DNM2: variants seen among roughly 807,000 people sequenced by gnomAD.
DNM2 encodes the protein dynamin-2.
Under a neutral mutation model 99.0 loss-of-function variants are expected in DNM2, and 15 were observed. The observed-to-expected ratio is 0.15, with a 90% CI of 0.10 to 0.23. DNM2 has a LOEUF of 0.23. DNM2 is among the 10% of genes least tolerant of loss of function. The pLI, the probability that DNM2 is intolerant of heterozygous loss-of-function variation, is 1.00. For synonymous variants in DNM2, 525 were observed against 481.2 expected (o/e 1.09, Z -1.19); for missense variants, 742 against 1,189.4 (o/e 0.62, Z 5.53).
chr19:10,759,588 C>T, intron 1 of DNM2, 150 bp from the exon 2 acceptor site: 1 of 892,862 alleles, frequency 1.1e-6, no homozygotes, highest in Non-Finnish European at 1.9e-6. Context: ...CCCTCCAAGA[C>T]CAGAGCATTC....
intron 2 of DNM2, among the ~76,000 whole-genome samples, chr19:10,760,827 A>ATGTTTTTTTTTTTTT (rs1663854487): frequency 2.4e-5 from 1 of 41,260 alleles, no homozygotes; most frequent in African/African-American, 9.4e-5. Context: ...CACCCAGCTG[A>ATGTTTTTTTTTTTTT]TTTTTTTTTT....
intron 15 of DNM2, among the ~76,000 whole-genome samples, chr19:10,819,185 G>T (rs920471927): frequency 6.6e-6 from 1 of 152,184 alleles, no homozygotes; most frequent in African/African-American, 2.4e-5. Flanking sequence ...AGCACTCTGG[G>T]AGGCTCGCTT....
At chr19:10,744,499 G>A (rs954987358) in intron 1 of DNM2, among the ~76,000 whole-genome samples, 1 of 152,144 alleles carries the variant, frequency 6.6e-6, no homozygotes. Flanking sequence ...GAACGTGTTT[G>A]CCTGGAGGTC....
intron 18 of DNM2, among the ~76,000 whole-genome samples, chr19:10,827,676 C>A (rs1400031516): frequency 2.0e-5 from 3 of 151,396 alleles, no homozygotes; most frequent in African/African-American, 7.3e-5. Context: ...CTGAGACCAT[C>A]CTGGCCAACA....
intron 1 of DNM2, among the ~76,000 whole-genome samples, chr19:10,736,264 C>CA (rs545329681): frequency 0.15 from 13,548 of 91,110 alleles, 1,054 homozygotes; most frequent in East Asian, 0.43. Flanking sequence ...GACTCTGTCT[C>CA]AAAAAAAAAA....
At chr19:10,822,541 C>A (rs964728220) in intron 16 of DNM2, among the ~76,000 whole-genome samples, 4 of 151,866 alleles carry the variant, frequency 2.6e-5, no homozygotes, top group Non-Finnish European at 5.9e-5. Flanking sequence ...ACTCTGTCGC[C>A]CAGGCTGGAG....
intron 1 of DNM2, among the ~76,000 whole-genome samples, chr19:10,741,255 C>T (rs1005284459): frequency 2.0e-5 from 3 of 151,976 alleles, no homozygotes; most frequent in East Asian, 1.9e-4. Flanking sequence ...TTTGGAGACA[C>T]GGTCTTGCTC....
At chr19:10,787,834 C>T (rs987438929) in intron 7 of DNM2, among the ~76,000 whole-genome samples, 15 of 150,840 alleles carry the variant, frequency 9.9e-5, no homozygotes, top group Non-Finnish European at 1.5e-5. Flanking sequence ...GAGACTGAGG[C>T]AAGAGAATTG....
At chr19:10,751,615 A>G (rs2070197894) in intron 1 of DNM2, among the ~76,000 whole-genome samples, 1 of 152,162 alleles carries the variant, frequency 6.6e-6, no homozygotes, top group Admixed American at 6.5e-5. Context: ...GTCCAGGCCG[A>G]GGGTGAATGT....
At chr19:10,736,292 A>G (rs2145737068) in intron 1 of DNM2, among the ~76,000 whole-genome samples, 1 of 151,860 alleles carries the variant, frequency 6.6e-6, no homozygotes, top group South Asian at 2.1e-4. Flanking sequence ...AAAAAAGAAA[A>G]AAATAGAGAT....
chr19:10,757,166 G>T (rs993150211), intron 1 of DNM2, among the ~76,000 whole-genome samples: 3 of 152,072 alleles, frequency 2.0e-5, no homozygotes, highest in African/African-American at 7.2e-5. Context: ...TGCCAGCAGC[G>T]CCCCTGGGGG....
intron 6 of DNM2, among the ~76,000 whole-genome samples, chr19:10,785,857 C>T (rs1168707892): frequency 1.3e-5 from 2 of 152,056 alleles, no homozygotes; most frequent in Non-Finnish European, 2.9e-5. Context: ...GTCACCCAGG[C>T]TGGAGTGCCA....
At position 10,786,515 on chromosome 19, in the gene DNM2, G is replaced by A. The variant is rs759007237; in HGVS notation, c.850-49G>A. ...GGGGGGAGTGTGTCTGCCACTCCCT[G>A]GTATCCTGCCCATGCCACCCTTTCT... is the stretch of plus-strand genomic sequence containing the variant. On this transcript the variant is annotated intron_variant, in intron 6 of 20. Coordinates refer to ENST00000389253, the MANE Select transcript of DNM2 (RefSeq NM_001005361.3). The A allele has an allele frequency of 1.9e-6, 3 of 1,612,424 alleles. No individual in the cohort carries two copies. The East Asian group carries it at 6.7e-5, about 36-fold the overall frequency.
chr19:10,786,727 C>T, intron 7 of DNM2, 21 bp downstream of exon 7: 1 of 1,613,736 alleles, frequency 6.2e-7, no homozygotes, highest in Non-Finnish European at 8.5e-7. Flanking sequence ...CGGCACCCAC[C>T]ACCACCACCA....
chr19:10,828,439 A>T (rs992550658), intron 18 of DNM2, among the ~76,000 whole-genome samples: 1 of 148,638 alleles, frequency 6.7e-6, no homozygotes, highest in African/African-American at 2.5e-5. Flanking sequence ...TACAAAAAAT[A>T]AGCTGGGCGT....
At chr19:10,822,714 G>C in intron 16 of DNM2, among the ~76,000 whole-genome samples, 1 of 151,944 alleles carries the variant, frequency 6.6e-6, no homozygotes. Context: ...GGCCAGGCTG[G>C]TCTCAAACTC....
intron 1 of DNM2, among the ~76,000 whole-genome samples, chr19:10,745,140 C>T (rs998723945): frequency 2.6e-5 from 4 of 152,086 alleles, no homozygotes; most frequent in South Asian, 2.1e-4. Context: ...TGGGGATGTG[C>T]GGAAAAAAAA....
At position 10,718,323 on chromosome 19, in the gene DNM2, C is replaced by T. The variant is rs534605878; in HGVS notation, c.81C>T (p.Cys27=). ...QDAFSSIGQS[C]HLDLPQIAVV... ...CCTTCAGCTCCATCGGCCAGAGCTG[C>T]CACCTGGACCTGCCGCAGATCGCTG... Residue 27 remains cysteine, a synonymous_variant, in exon 1 of 21, where the codon TGC becomes TGT. Coordinates refer to ENST00000389253, the MANE Select transcript of DNM2 (RefSeq NM_001005361.3). The T allele has an allele frequency of 7.9e-6, 12 of 1,513,806 alleles. No homozygotes were observed. The Admixed American group carries it at 2.4e-4, about 30-fold the overall frequency. 93.8% of individuals were successfully genotyped at this position (1,513,806 alleles called of 1,614,324 possible).
chr19:10,747,665 T>G (rs2070038863), intron 1 of DNM2, among the ~76,000 whole-genome samples: 1 of 152,030 alleles, frequency 6.6e-6, no homozygotes, highest in Non-Finnish European at 1.5e-5. Context: ...GGGTGTGTGT[T>G]GGGTACTGGG....
Sources: allele counts gnomAD v4.1 joint callset (sites outside exome capture counted in the v4.1 genomes callset), GRCh38; gene constraint gnomAD v4.1.1; transcripts MANE v1.5; gene names NCBI Gene and HGNC (gene_info 2026-07-23, HGNC 2026-07-21).